The following EYS variants were observed in gnomAD, a reference collection of about 807,000 sequenced individuals.
EYS encodes the protein EGF-like photoreceptor maintenance factor.
A neutral mutation model predicts 282.1 loss-of-function variants in EYS; 250 were observed. That is an observed-to-expected ratio of 0.89 (90% CI 0.80 to 0.98). The LOEUF (loss-of-function observed/expected upper bound fraction) is 0.98. Ranked by LOEUF, EYS falls within the 50% of genes least tolerant of loss-of-function variation. EYS has a pLI of 0.00. For missense variants in EYS, 4,016 were observed against 3,709.0 expected, an observed-to-expected ratio of 1.08 and a Z score of -2.15; for synonymous variants, 1,355 against 1,282.9, an observed-to-expected ratio of 1.06 and a Z score of -1.20.
At chr6:65,030,046 T>C (rs1009723581) in intron 13 of EYS, among the ~76,000 whole-genome samples, 1 of 152,134 alleles carries the variant, frequency 6.6e-6, no homozygotes, top group African/African-American at 2.4e-5. Context: ...CTCCAGCCTG[T>C]GTGGATTCCA....
intron 14 of EYS, among the ~76,000 whole-genome samples, chr6:64,956,659 G>T (rs1484946470): frequency 6.6e-6 from 1 of 152,106 alleles, no homozygotes; most frequent in African/African-American, 2.4e-5. Flanking sequence ...CACAGAATGA[G>T]AGGAAAATTT....
intron 2 of EYS, among the ~76,000 whole-genome samples, chr6:65,516,812 A>C (rs1282750371): frequency 6.6e-6 from 1 of 152,076 alleles, no homozygotes; most frequent in East Asian, 1.9e-4. Flanking sequence ...TCTCAAAGAG[A>C]ATACAATGCA....
At chr6:64,428,657 A>G (rs1285158763) in intron 28 of EYS, among the ~76,000 whole-genome samples, 2 of 152,182 alleles carry the variant, frequency 1.3e-5, no homozygotes, top group Admixed American at 1.3e-4. Context: ...GGCTCAGTAA[A>G]TGTCACTAAA....
At chr6:64,909,897 G>T (rs1433381831) in intron 16 of EYS, among the ~76,000 whole-genome samples, 1 of 152,084 alleles carries the variant, frequency 6.6e-6, no homozygotes, top group African/African-American at 2.4e-5. Flanking sequence ...CCTTCAGAGT[G>T]AATTTGAATG....
At chr6:65,689,831 C>T (rs1001012940) in intron 1 of EYS, among the ~76,000 whole-genome samples, 2 of 149,890 alleles carry the variant, frequency 1.3e-5, no homozygotes, top group African/African-American at 4.9e-5. Context: ...TGGCCAGCAG[C>T]CCTCAATGCA....
intron 2 of EYS, among the ~76,000 whole-genome samples, chr6:65,596,214 A>T (rs1002021472): frequency 1.3e-5 from 2 of 152,122 alleles, no homozygotes; most frequent in African/African-American, 4.8e-5. Flanking sequence ...AAGCTGATTC[A>T]CTTCGGTGTC....
chr6:65,180,788 C>T (rs548992769), intron 12 of EYS, among the ~76,000 whole-genome samples: 1 of 151,626 alleles, frequency 6.6e-6, no homozygotes, highest in East Asian at 1.9e-4. Flanking sequence ...GAGGCATCAC[C>T]CTACCTGACT....
rs145524771 is a variant in EYS at position 64,428,434 on chromosome 6, C to A, written c.5927+7740G>T. On this transcript the variant is annotated intron_variant, in intron 28 of 42. Coordinates refer to ENST00000503581, the MANE Select transcript of EYS (RefSeq NM_001142800.2). The stretch of plus-strand genomic sequence containing the variant: ...GCTGAGTCAAGTGAATCATATGCAG[C>A]AGAAAGATTTAAGTAGAAATTTTAA... Among the ~76,000 whole-genome samples the A allele has an allele frequency of 6.2e-4, 95 of 152,162 alleles. 1 individual carries two copies. The East Asian group carries it at 0.017, about 27-fold the overall frequency.
intron 31 of EYS, among the ~76,000 whole-genome samples, chr6:64,164,844 A>G (rs1764226809): frequency 6.6e-6 from 1 of 152,188 alleles, no homozygotes; most frequent in Non-Finnish European, 1.5e-5. Flanking sequence ...ATTTAAGCAG[A>G]CAAAATAATT....
chr6:63,969,902 C>T (rs1324979740), intron 35 of EYS, among the ~76,000 whole-genome samples: 2 of 152,200 alleles, frequency 1.3e-5, no homozygotes, highest in African/African-American at 4.8e-5. Flanking sequence ...CATTCATTTT[C>T]TCAGTCATGA....
chr6:64,046,200 C>CA (rs34419507), intron 33 of EYS, among the ~76,000 whole-genome samples: 32,254 of 151,194 alleles, frequency 0.21, 3,693 homozygotes, highest in Middle Eastern at 0.34. Context: ...TAGTTGAGAA[C>CA]ATTAGCTTCT....
chr6:64,442,137 T>A (rs1774969750), intron 26 of EYS, among the ~76,000 whole-genome samples: 1 of 152,152 alleles, frequency 6.6e-6, no homozygotes, highest in African/African-American at 2.4e-5. Flanking sequence ...AAATCCAGGC[T>A]AAGGTGGTCT....
chr6:64,709,556 T>G (rs142112163), intron 22 of EYS, among the ~76,000 whole-genome samples: 1 of 152,178 alleles, frequency 6.6e-6, no homozygotes, highest in Non-Finnish European at 1.5e-5. Context: ...AGTATACCCC[T>G]GTTAGGAAAG....
At chr6:65,249,706 T>C (rs530245125) in intron 12 of EYS, among the ~76,000 whole-genome samples, 1 of 152,222 alleles carries the variant, frequency 6.6e-6, no homozygotes, top group Non-Finnish European at 1.5e-5. Flanking sequence ...AAACACTTTT[T>C]TCTTTGAATT....
intron 5 of EYS, among the ~76,000 whole-genome samples, chr6:65,480,840 G>C (rs756884657): frequency 6.6e-6 from 1 of 152,092 alleles, no homozygotes; most frequent in Non-Finnish European, 1.5e-5. Context: ...ATTATATTAA[G>C]CGAAATAGGT....
At chr6:65,642,590 G>A (rs1438137544) in intron 1 of EYS, among the ~76,000 whole-genome samples, 1 of 151,786 alleles carries the variant, frequency 6.6e-6, no homozygotes, top group African/African-American at 2.4e-5. Context: ...AACTTATTGT[G>A]GGACACTTAC....
At chr6:64,230,229 G>A (rs1362610300) in intron 31 of EYS, among the ~76,000 whole-genome samples, 1 of 151,882 alleles carries the variant, frequency 6.6e-6, no homozygotes, top group Non-Finnish European at 1.5e-5. Context: ...TGGCTATTTG[G>A]CAATTAAGCA....
chr6:63,731,835 C>T (rs1436394214), intron 41 of EYS, among the ~76,000 whole-genome samples: 1 of 152,024 alleles, frequency 6.6e-6, no homozygotes, highest in Non-Finnish European at 1.5e-5. Context: ...TTTCCCTCTC[C>T]CTCTTGAGGA....
chr6:64,657,291 G>A (rs1021171083), intron 22 of EYS, among the ~76,000 whole-genome samples: 1 of 152,116 alleles, frequency 6.6e-6, no homozygotes, highest in African/African-American at 2.4e-5. Flanking sequence ...ACACTGATGG[G>A]TCTTGACTTT....
Sources: allele counts gnomAD v4.1 joint callset (sites outside exome capture counted in the v4.1 genomes callset), GRCh38; gene constraint gnomAD v4.1.1; transcripts MANE v1.5; gene names NCBI Gene and HGNC (gene_info 2026-07-23, HGNC 2026-07-21).